RASAL2: variants seen among roughly 807,000 people sequenced by gnomAD.
The protein encoded by RASAL2 is RAS protein activator like 2.
In RASAL2, 58 loss-of-function variants were observed where a neutral mutation model predicts 128.9. The ratio of observed to expected loss-of-function variants is 0.45; its 90% CI spans 0.36 to 0.56. RASAL2 has a LOEUF of 0.56. RASAL2 is among the 20% of genes least tolerant of loss of function. The pLI, the probability that RASAL2 is intolerant of heterozygous loss-of-function variation, is 0.00. For synonymous variants in RASAL2, 561 were observed against 580.8 expected (o/e 0.97, Z 0.49); for missense variants, 1,360 against 1,601.6 (o/e 0.85, Z 2.57).
intron 1 of RASAL2, among the ~76,000 whole-genome samples, chr1:178,256,674 G>A (rs1571718608): frequency 6.6e-6 from 1 of 152,090 alleles, no homozygotes; most frequent in Admixed American, 6.6e-5. Context: ...AGAAAAATCA[G>A]TGTTTTTGTT....
chr1:178,115,926 G>T (rs868668168), intron 1 of RASAL2, among the ~76,000 whole-genome samples: 6 of 152,096 alleles, frequency 3.9e-5, no homozygotes, highest in Admixed American at 1.3e-4. Flanking sequence ...GAGATAGAGA[G>T]ATGTGTGAAG....
intron 4 of RASAL2, among the ~76,000 whole-genome samples, chr1:178,394,487 A>C (rs1462077052): frequency 2.0e-5 from 3 of 152,208 alleles, no homozygotes; most frequent in African/African-American, 7.2e-5. Context: ...TCTATTTATA[A>C]AGTGACTATT....
intron 3 of RASAL2, among the ~76,000 whole-genome samples, chr1:178,367,321 T>C (rs1013368009): frequency 6.6e-6 from 1 of 152,128 alleles, no homozygotes; most frequent in Non-Finnish European, 1.5e-5. Context: ...TTTAACAGTT[T>C]AGTCAAATGT....
At chr1:178,242,651 T>C (rs905466999) in intron 1 of RASAL2, among the ~76,000 whole-genome samples, 1 of 152,072 alleles carries the variant, frequency 6.6e-6, no homozygotes, top group African/African-American at 2.4e-5. Context: ...TTTAGGAAGT[T>C]TTCACCATTA....
chr1:178,097,885 A>G (rs190336696), intron 1 of RASAL2, among the ~76,000 whole-genome samples: 32 of 152,330 alleles, frequency 2.1e-4, no homozygotes, highest in African/African-American at 7.0e-4. Flanking sequence ...TTGTCATAAT[A>G]CGTATACTCA....
chr1:178,129,980 T>C (rs1660042325), intron 1 of RASAL2, among the ~76,000 whole-genome samples: 1 of 152,208 alleles, frequency 6.6e-6, no homozygotes. Context: ...GCCAGATTTA[T>C]ATTTTAGAAT....
chr1:178,357,427 TGTC>T (rs1670868869), intron 3 of RASAL2, among the ~76,000 whole-genome samples: 1 of 152,068 alleles, frequency 6.6e-6, no homozygotes, highest in Non-Finnish European at 1.5e-5. Context: ...AATGTCTATA[TGTC>T]TTTTTCTACT....
chr1:178,325,993 A>G (rs964520160), intron 3 of RASAL2, among the ~76,000 whole-genome samples: 1 of 152,190 alleles, frequency 6.6e-6, no homozygotes, highest in Non-Finnish European at 1.5e-5. Context: ...TGGGAGGCAG[A>G]GGTGGGAGGA....
chr1:178,166,988 C>G (rs533727925), intron 1 of RASAL2, among the ~76,000 whole-genome samples: 3 of 152,160 alleles, frequency 2.0e-5, no homozygotes, highest in Non-Finnish European at 4.4e-5. Context: ...TGGATTTTCA[C>G]AGAGTTTTAT....
chr1:178,396,321 A>C (rs922594189), intron 4 of RASAL2, among the ~76,000 whole-genome samples: 3 of 152,056 alleles, frequency 2.0e-5, no homozygotes, highest in Non-Finnish European at 1.5e-5. Flanking sequence ...TGTACCATAA[A>C]CCCTTTTCCT....
At chr1:178,232,177 G>C (rs7547504) in intron 1 of RASAL2, among the ~76,000 whole-genome samples, 40,878 of 151,906 alleles carry the variant, frequency 0.27, 6,370 homozygotes, top group African/African-American at 0.44. Context: ...TGAAGTCTGT[G>C]AGGCTTTCCA....
At chr1:178,297,823 A>C (rs1450354337) in intron 2 of RASAL2, among the ~76,000 whole-genome samples, 1 of 152,072 alleles carries the variant, frequency 6.6e-6, no homozygotes, top group Non-Finnish European at 1.5e-5. Flanking sequence ...CCCAAATAAA[A>C]AATATTGTAT....
intron 3 of RASAL2, among the ~76,000 whole-genome samples, chr1:178,312,635 TA>T (rs1158158758): frequency 6.6e-6 from 1 of 152,086 alleles, no homozygotes; most frequent in Non-Finnish European, 1.5e-5. Context: ...GAACCAAGTT[TA>T]ATAGCTCGGT....
chr1:178,278,190 A>T (rs1429041111), intron 1 of RASAL2, among the ~76,000 whole-genome samples: 2 of 152,016 alleles, frequency 1.3e-5, no homozygotes, highest in African/African-American at 2.4e-5. Flanking sequence ...AATTTCTGGT[A>T]CCTCCACCCC....
intron 1 of RASAL2, among the ~76,000 whole-genome samples, chr1:178,205,818 T>C (rs1056520192): frequency 6.6e-6 from 1 of 152,150 alleles, no homozygotes; most frequent in African/African-American, 2.4e-5. Flanking sequence ...TTTAGATGTA[T>C]ACGTCCTCAC....
chr1:178,473,196 T>C lies in RASAL2; in HGVS notation c.3800T>C (p.Leu1267Pro). ...ATCTCCCCCACCAACCCCACCAAGCTTTCCATCACGGAGAATGGTGAATTC... is the reference window on the plus strand; with the variant it reads ...ATCTCCCCCACCAACCCCACCAAGCCTTCCATCACGGAGAATGGTGAATTC... ...NGISPTNPTK[L>P]SITENGEFKN... The change falls in exon 18 of 18, where the codon CTT (leucine) becomes CCT (proline). Residue 1267 changes from leucine to proline, a missense_variant. Physicochemically the swap from Leu to Pro is moderately conservative, Grantham distance 98. This residue lies in a region of RASAL2 where 741 missense variants were observed against 868.6 expected (regional missense o/e 0.85). Transcript: ENST00000367649. The C allele has an allele frequency of 6.2e-7, 1 of 1,614,112 alleles. No individual in the cohort carries two copies. Among genetic ancestry groups the C allele is most frequent in the Non-Finnish European group, 8.5e-7 (1 of 1,180,024 alleles).
intron 1 of RASAL2, among the ~76,000 whole-genome samples, chr1:178,243,742 C>T (rs1558136871): frequency 6.6e-6 from 1 of 152,018 alleles, no homozygotes; most frequent in Non-Finnish European, 1.5e-5. Context: ...CTATTTTGGT[C>T]CTCCTTGTCC....
intron 4 of RASAL2, among the ~76,000 whole-genome samples, chr1:178,390,445 T>C (rs1672834218): frequency 6.6e-6 from 1 of 152,136 alleles, no homozygotes; most frequent in African/African-American, 2.4e-5. Context: ...AGTGGCGCGA[T>C]AACACTCACT....
chr1:178,258,199 C>G (rs1665475099), intron 1 of RASAL2, among the ~76,000 whole-genome samples: 1 of 148,680 alleles, frequency 6.7e-6, no homozygotes, highest in Non-Finnish European at 1.5e-5. Flanking sequence ...GAGGCTGAGG[C>G]AGAAGAATCA....
Sources: allele counts gnomAD v4.1 joint callset (sites outside exome capture counted in the v4.1 genomes callset), GRCh38; gene constraint gnomAD v4.1.1; regional missense constraint gnomAD v4.1.1; transcripts MANE v1.5; gene names NCBI Gene and HGNC (gene_info 2026-07-23, HGNC 2026-07-21).